Variants in PCDH9 observed in about 807,000 individuals in gnomAD.
PCDH9 encodes the protein protocadherin 9, also known as protocadherin-9.
A neutral mutation model predicts 70.6 loss-of-function variants in PCDH9; 24 were observed. The ratio of observed to expected loss-of-function variants is 0.34; its 90% CI spans 0.25 to 0.48. The LOEUF (loss-of-function observed/expected upper bound fraction) is 0.48, where lower values mean the gene tolerates loss of function less well. Ranked by LOEUF, PCDH9 falls within the 20% of genes least tolerant of loss-of-function variation. PCDH9 has a pLI of 0.99. For synonymous variants in PCDH9, 562 were observed against 558.5 expected (o/e 1.01, Z -0.09); for missense variants, 1,281 against 1,503.6 (o/e 0.85, Z 2.45).
intron 2 of PCDH9, among the ~76,000 whole-genome samples, chr13:67,153,782 T>C (rs1375048532): frequency 1.3e-5 from 2 of 152,220 alleles, no homozygotes; most frequent in African/African-American, 4.8e-5. Flanking sequence ...TACAGGAGGT[T>C]TACCATTTGC....
At chr13:66,890,708 G>A (rs1441442477) in intron 3 of PCDH9, among the ~76,000 whole-genome samples, 1 of 151,970 alleles carries the variant, frequency 6.6e-6, no homozygotes, top group African/African-American at 2.4e-5. Context: ...TAATCACATC[G>A]ACCAATCTAT....
intron 4 of PCDH9, among the ~76,000 whole-genome samples, chr13:66,508,582 A>G (rs1959297388): frequency 6.6e-6 from 1 of 152,156 alleles, no homozygotes; most frequent in African/African-American, 2.4e-5. Flanking sequence ...ACACATCAAG[A>G]ACTTTGTACC....
In PCDH9 at chr13:67,228,098, C is replaced by A; in HGVS notation, c.343G>T (p.Val115Leu). ...EENECFFELE[V>L]VILPNDFFRL... ...AAGAAATCATTGGGGAGGATCACCA[C>A]CTCAAGTTCAAAGAAACACTCATTC... The change falls in exon 2 of 5, where the codon GTG becomes TTG. Residue 115 changes from valine to leucine, a missense_variant. By Grantham distance (32) the Val-to-Leu change is conservative. Coordinates refer to ENST00000377865, the MANE Select transcript of PCDH9 (RefSeq NM_203487.3). 1 of 1,614,118 alleles carries A rather than the reference C, an allele frequency of 6.2e-7. No individual in the cohort carries two copies. The highest frequency in any genetic ancestry group is 8.5e-7 in the Non-Finnish European group (1 of 1,180,006).
At chr13:66,494,335 C>T (rs1321807820) in intron 4 of PCDH9, among the ~76,000 whole-genome samples, 2 of 152,118 alleles carry the variant, frequency 1.3e-5, no homozygotes, top group Non-Finnish European at 2.9e-5. Context: ...CTGAAACATT[C>T]TACCACAGCA....
intron 2 of PCDH9, among the ~76,000 whole-genome samples, chr13:67,059,987 G>A (rs1418854661): frequency 6.6e-6 from 1 of 151,294 alleles, no homozygotes; most frequent in Non-Finnish European, 1.5e-5. Context: ...TATGAGCTGT[G>A]TATGGGGGTA....
chr13:66,953,275 A>G (rs780359544), intron 2 of PCDH9, among the ~76,000 whole-genome samples: 12 of 152,196 alleles, frequency 7.9e-5, no homozygotes, highest in Non-Finnish European at 1.8e-4. Context: ...TAAAAATGCT[A>G]ACATTGAAGC....
intron 4 of PCDH9, among the ~76,000 whole-genome samples, chr13:66,545,027 A>G (rs978003082): frequency 2.6e-5 from 4 of 152,176 alleles, no homozygotes; most frequent in Admixed American, 1.3e-4. Flanking sequence ...CAGACTGTTT[A>G]GTGTAAATAC....
At chr13:66,911,274 G>GGT (rs930815589) in intron 2 of PCDH9, among the ~76,000 whole-genome samples, 6 of 151,996 alleles carry the variant, frequency 3.9e-5, no homozygotes, top group Admixed American at 1.3e-4. Flanking sequence ...TGGGCATGGG[G>GGT]GTGTGAACAC....
intron 2 of PCDH9, chr13:67,214,993 C>A (rs2089568733): frequency 8.8e-6 from 1 of 113,102 alleles, no homozygotes; most frequent in Non-Finnish European, 1.9e-5. Context: ...CTTAGGACAA[C>A]TTTATATGGA....
At chr13:67,140,647 T>C (rs2087358806) in intron 2 of PCDH9, among the ~76,000 whole-genome samples, 3 of 152,188 alleles carry the variant, frequency 2.0e-5, no homozygotes, top group Non-Finnish European at 4.4e-5. Flanking sequence ...AACCTATACC[T>C]GGTATTTCTT....
chr13:66,896,296 T>C (rs2082177565), intron 3 of PCDH9, among the ~76,000 whole-genome samples: 1 of 152,174 alleles, frequency 6.6e-6, no homozygotes, highest in South Asian at 2.1e-4. Flanking sequence ...AAGTAATTCA[T>C]AAGGCCACTC....
chr13:66,796,718 A>T (rs1400827171), intron 3 of PCDH9, among the ~76,000 whole-genome samples: 1 of 152,156 alleles, frequency 6.6e-6, no homozygotes, highest in African/African-American at 2.4e-5. Context: ...GGTGAATAAA[A>T]TAGTTCTTGC....
At chr13:66,400,451 A>G (rs1435859943) in intron 4 of PCDH9, among the ~76,000 whole-genome samples, 1 of 152,220 alleles carries the variant, frequency 6.6e-6, no homozygotes, top group Non-Finnish European at 1.5e-5. Context: ...ATATATCATC[A>G]TCAGTTACCC....
At chr13:66,773,509 T>C (rs1221320056) in intron 3 of PCDH9, among the ~76,000 whole-genome samples, 4 of 150,804 alleles carry the variant, frequency 2.7e-5, no homozygotes, top group African/African-American at 9.7e-5. Flanking sequence ...CGGGCGCCTG[T>C]AGTCCCAGCT....
At chr13:67,078,147 C>G (rs758149734) in intron 2 of PCDH9, among the ~76,000 whole-genome samples, 23 of 152,102 alleles carry the variant, frequency 1.5e-4, no homozygotes, top group Non-Finnish European at 1.2e-4. Context: ...CCATAGTGGC[C>G]ATTGTCTTCA....
At chr13:67,088,148 T>C (rs1332797965) in intron 2 of PCDH9, among the ~76,000 whole-genome samples, 1 of 151,800 alleles carries the variant, frequency 6.6e-6, no homozygotes, top group African/African-American at 2.4e-5. Flanking sequence ...AGAATAAGAA[T>C]TTCTGCTTGG....
chr13:67,199,256 A>G (rs2089151378), intron 2 of PCDH9, among the ~76,000 whole-genome samples: 1 of 151,688 alleles, frequency 6.6e-6, no homozygotes, highest in Non-Finnish European at 1.5e-5. Flanking sequence ...CTCTAAGATT[A>G]AGCACTATAT....
chr13:66,449,475 C>T (rs1958163350), intron 4 of PCDH9, among the ~76,000 whole-genome samples: 1 of 152,112 alleles, frequency 6.6e-6, no homozygotes, highest in Admixed American at 6.6e-5. Flanking sequence ...TGTTCTGCCA[C>T]TCTTAGCTTT....
chr13:67,053,991 G>T (rs144234221), intron 2 of PCDH9, among the ~76,000 whole-genome samples: 1 of 152,230 alleles, frequency 6.6e-6, no homozygotes, highest in Non-Finnish European at 1.5e-5. Flanking sequence ...AATTATGGAA[G>T]CTCTTAGTCA....
Sources: allele counts gnomAD v4.1 joint callset (sites outside exome capture counted in the v4.1 genomes callset), GRCh38; gene constraint gnomAD v4.1.1; transcripts MANE v1.5; gene names NCBI Gene and HGNC (gene_info 2026-07-23, HGNC 2026-07-21).